SGCZ: variants seen among roughly 807,000 people sequenced by gnomAD.
SGCZ encodes the protein sarcoglycan zeta.
Under a neutral mutation model 41.3 loss-of-function variants are expected in SGCZ, and 40 were observed. The ratio of observed to expected loss-of-function variants is 0.97; its 90% confidence interval spans 0.75 to 1.26. The LOEUF (loss-of-function observed/expected upper bound fraction) is 1.26. SGCZ is among the 50% of genes most tolerant of loss of function. The pLI is 0.00. For synonymous variants in SGCZ, 206 were observed against 137.5 expected (o/e 1.50, Z -3.49); for missense variants, 552 against 369.8 (o/e 1.49, Z -4.04).
intron 2 of SGCZ, among the ~76,000 whole-genome samples, chr8:14,373,376 A>T (rs1364235817): frequency 6.6e-6 from 1 of 152,198 alleles, no homozygotes; most frequent in Non-Finnish European, 1.5e-5. Context: ...ATAATTCTAA[A>T]ATTCAAAAGA....
rs182705851 is a variant in SGCZ, at chr8:14,810,272, G to A, written c.40-255346C>T. ...AAAATCAAAAATTCAAGAAGTTTTAGAACTTTAAATCAAATTGTGTTTGTT... is the reference window on the plus strand; with the variant it reads ...AAAATCAAAAATTCAAGAAGTTTTAAAACTTTAAATCAAATTGTGTTTGTT... On this transcript the variant is annotated intron_variant, in intron 1 of 7. Transcript: ENST00000382080. Among the ~76,000 whole-genome samples, 87 of 152,130 alleles carry A rather than the reference G, an allele frequency of 5.7e-4. No homozygotes were observed. The Middle Eastern group carries it at 0.017, about 30-fold the overall frequency.
intron 1 of SGCZ, among the ~76,000 whole-genome samples, chr8:15,048,661 G>A (rs1201021146): frequency 6.6e-6 from 1 of 151,700 alleles, no homozygotes; most frequent in Non-Finnish European, 1.5e-5. Flanking sequence ...TCTCCAATTG[G>A]GATCAAAATT....
chr8:14,864,341 A>G (rs1295312104), intron 1 of SGCZ, among the ~76,000 whole-genome samples: 2 of 152,174 alleles, frequency 1.3e-5, no homozygotes, highest in Non-Finnish European at 2.9e-5. Context: ...TGCAACTAGA[A>G]GGTAAAATCA....
chr8:15,041,078 T>C (rs560754419), intron 1 of SGCZ, among the ~76,000 whole-genome samples: 5 of 152,062 alleles, frequency 3.3e-5, no homozygotes, highest in African/African-American at 1.2e-4. Context: ...AATATAATAC[T>C]AAAACATATC....
chr8:14,722,576 G>A (rs915196155), intron 1 of SGCZ, among the ~76,000 whole-genome samples: 1 of 151,930 alleles, frequency 6.6e-6, no homozygotes, highest in Non-Finnish European at 1.5e-5. Flanking sequence ...TCACTGAAAT[G>A]GGAGAAAAAG....
At chr8:15,117,358 C>T (rs78958771) in intron 1 of SGCZ, among the ~76,000 whole-genome samples, 1 of 137,086 alleles carries the variant, frequency 7.3e-6, no homozygotes, top group South Asian at 2.3e-4. Flanking sequence ...GACTCCATCT[C>T]AAAAAAAAAA....
intron 2 of SGCZ, among the ~76,000 whole-genome samples, chr8:14,329,895 A>T (rs1212951777): frequency 3.3e-5 from 5 of 151,932 alleles, no homozygotes; most frequent in Non-Finnish European, 1.5e-5. Flanking sequence ...TACTTCCACT[A>T]AACTGTACTG....
At chr8:14,274,283 T>C (rs187266263) in intron 3 of SGCZ, among the ~76,000 whole-genome samples, 6 of 152,264 alleles carry the variant, frequency 3.9e-5, no homozygotes, top group Admixed American at 3.3e-4. Context: ...TGGAGTTCAC[T>C]GGAAATTTCA....
intron 1 of SGCZ, among the ~76,000 whole-genome samples, chr8:14,576,261 CAG>C (rs1238783598): frequency 6.6e-6 from 1 of 151,904 alleles, no homozygotes; most frequent in Non-Finnish European, 1.5e-5. Flanking sequence ...AAAGTGAAAA[CAG>C]GGTGAGAGAA....
chr8:14,702,732 GATAGA>G (rs1809180368), intron 1 of SGCZ, among the ~76,000 whole-genome samples: 1 of 22,552 alleles, frequency 4.4e-5, no homozygotes, highest in Non-Finnish European at 9.0e-5. Flanking sequence ...TGGCTTCAAT[GATAGA>G]TAGATAGATA....
chr8:14,443,348 G>A lies in SGCZ; in HGVS notation c.234+111384C>T, dbSNP rs1265350508. On this transcript the variant is annotated intron_variant, in intron 2 of 7. Transcript: ENST00000382080. ...ATGGAACCAAAAAAGAGCCCGCATC[G>A]CCAAGTCAATCCTAAGCCAAAAGGA... Among the ~76,000 whole-genome samples, 55 of 152,204 alleles carry A rather than the reference G, an allele frequency of 3.6e-4. 1 individual carries two copies. Among genetic ancestry groups the A allele is most frequent in the African/African-American group, 8.4e-4 (35 of 41,526 alleles).
intron 2 of SGCZ, among the ~76,000 whole-genome samples, chr8:14,546,722 T>C (rs1042701565): frequency 1.3e-5 from 2 of 152,166 alleles, no homozygotes; most frequent in African/African-American, 2.4e-5. Context: ...TATTTATATA[T>C]TTAATGGTGT....
intron 2 of SGCZ, among the ~76,000 whole-genome samples, chr8:14,455,823 T>C (rs1029534960): frequency 6.6e-6 from 1 of 152,196 alleles, no homozygotes; most frequent in African/African-American, 2.4e-5. Flanking sequence ...ATGTAGGATA[T>C]ATTATTGTGA....
chr8:14,615,613 T>C (rs118118959), intron 1 of SGCZ, among the ~76,000 whole-genome samples: 1,835 of 152,286 alleles, frequency 0.012, 23 homozygotes, highest in Non-Finnish European at 0.018. Flanking sequence ...ATTTTAAACA[T>C]CACCCCGGAA....
Position 15,192,155 on chromosome 8 carries a change from T to C in SGCZ, c.39+45430A>G, listed in dbSNP as rs1800563660. Among the ~76,000 whole-genome samples, 3 of 152,100 alleles carry C rather than the reference T, an allele frequency of 2.0e-5. 1 individual carries two copies. Among genetic ancestry groups the C allele is most frequent in the African/African-American group, 7.3e-5 (3 of 41,370 alleles). ...TACACCAAAATACTATTGGCTTTTG[T>C]GCTATTTCTTTATTCATGTAAAATT... On this transcript the variant is annotated intron_variant, in intron 1 of 7. Coordinates refer to ENST00000382080, the MANE Select transcript of SGCZ (RefSeq NM_139167.4).
At chr8:14,873,331 A>G (rs906603850) in intron 1 of SGCZ, among the ~76,000 whole-genome samples, 1 of 152,148 alleles carries the variant, frequency 6.6e-6, no homozygotes, top group Non-Finnish European at 1.5e-5. Flanking sequence ...GCCTTAACAG[A>G]GTAATATCAT....
At chr8:14,652,994 A>G (rs1807452800) in intron 1 of SGCZ, among the ~76,000 whole-genome samples, 1 of 152,186 alleles carries the variant, frequency 6.6e-6, no homozygotes, top group Admixed American at 6.6e-5. Flanking sequence ...GACTTCAGAT[A>G]CATGCAATTG....
chr8:14,773,811 T>A (rs985275), intron 1 of SGCZ, among the ~76,000 whole-genome samples: 12 of 152,154 alleles, frequency 7.9e-5, no homozygotes, highest in Admixed American at 2.0e-4. Flanking sequence ...CCACACCCAA[T>A]TGCCTCAATT....
rs150682361 is a variant in SGCZ, at chr8:14,266,173, A to G, written c.337-28494T>C. Among the ~76,000 whole-genome samples the G allele has an allele frequency of 4.6e-3, 707 of 152,262 alleles. 5 individuals carry two copies. The highest frequency in any genetic ancestry group is 0.016 in the African/African-American group (656 of 41,570). On this transcript the variant is annotated intron_variant, in intron 3 of 7. Transcript: ENST00000382080. Reference sequence around the variant, plus strand: ...TCCCAATAAGTCTGTCTTAAGAGATATCATAATCAAACTCTCAAAGTCTGG... The same window carrying G: ...TCCCAATAAGTCTGTCTTAAGAGATGTCATAATCAAACTCTCAAAGTCTGG...
Sources: allele counts gnomAD v4.1 joint callset (sites outside exome capture counted in the v4.1 genomes callset), GRCh38; gene constraint gnomAD v4.1.1; transcripts MANE v1.5; gene names NCBI Gene and HGNC (gene_info 2026-07-23, HGNC 2026-07-21).